PACSIN2: variants seen among roughly 807,000 people sequenced by gnomAD.
PACSIN2 encodes protein kinase C and casein kinase substrate in neurons 2, also known as protein kinase C and casein kinase substrate in neurons protein 2.
A neutral mutation model predicts 63.8 loss-of-function variants in PACSIN2; 25 were observed. That is an observed-to-expected ratio of 0.39 (90% confidence interval 0.29 to 0.55). PACSIN2 has a LOEUF of 0.55. Ranked by LOEUF, PACSIN2 falls within the 20% of genes least tolerant of loss-of-function variation. The pLI is 0.62. For synonymous variants in PACSIN2, 255 were observed against 256.2 expected, an observed-to-expected ratio of 1.00 and a Z score of 0.05; for missense variants, 518 against 646.9, an observed-to-expected ratio of 0.80 and a Z score of 2.16.
rs147207206 is a variant in PACSIN2 at position 42,897,648 on chromosome 22, T to C, written c.61-4035A>G. On this transcript the variant is annotated intron_variant, in intron 2 of 10. Coordinates refer to ENST00000263246, the MANE Select transcript of PACSIN2 (RefSeq NM_001184970.3). Reference sequence around the variant, plus strand: ...TACATGTGCCTGGACATCCCTTCACTCCCCTGAGGGACTGCCTGGCAGACG... The same window carrying C: ...TACATGTGCCTGGACATCCCTTCACCCCCCTGAGGGACTGCCTGGCAGACG... Among the ~76,000 whole-genome samples the C allele has an allele frequency of 1.6e-3, 249 of 152,206 alleles. 1 individual carries two copies. The highest frequency in any genetic ancestry group is 5.8e-3 in the African/African-American group (239 of 41,512).
chr22:42,903,269 G>C (rs574257420), intron 2 of PACSIN2, among the ~76,000 whole-genome samples: 5 of 152,208 alleles, frequency 3.3e-5, no homozygotes, highest in Non-Finnish European at 7.3e-5. Context: ...GGGTGTGCGT[G>C]TGCCTGGCAG....
chr22:42,889,373 T>TACACACACACATACACACACACACAC (rs68042145), intron 4 of PACSIN2, among the ~76,000 whole-genome samples: 1 of 122,424 alleles, frequency 8.2e-6, no homozygotes, highest in Non-Finnish European at 1.9e-5. Context: ...TAATGGTTTT[T>TACACACACACATACACACACACACAC]ACACACACAC....
intron 2 of PACSIN2, among the ~76,000 whole-genome samples, chr22:42,902,767 C>T (rs186291538): frequency 3.9e-5 from 6 of 152,316 alleles, no homozygotes; most frequent in Non-Finnish European, 8.8e-5. Context: ...ACATGCACCA[C>T]CACGCCTGGC....
At chr22:42,943,554 C>A (rs780318498) in intron 1 of PACSIN2, among the ~76,000 whole-genome samples, 3 of 152,206 alleles carry the variant, frequency 2.0e-5, no homozygotes, top group Non-Finnish European at 2.9e-5. Flanking sequence ...AAGTTCCCTT[C>A]TGTTCCTGGT....
At chr22:42,995,520 A>G (rs1318524091) in intron 1 of PACSIN2, among the ~76,000 whole-genome samples, 1 of 152,204 alleles carries the variant, frequency 6.6e-6, no homozygotes. Flanking sequence ...CTTAAAAGTC[A>G]CAGCAAGAGA....
intron 1 of PACSIN2, among the ~76,000 whole-genome samples, chr22:43,012,154 AATACATACATACATACATACATAC>A (rs71311476): frequency 1.3e-4 from 18 of 133,906 alleles, no homozygotes; most frequent in African/African-American, 4.1e-4. Context: ...AAAATAAATA[AATACATACATACATACATACATAC>A]ATACATACAT....
rs192675005 is a variant in PACSIN2 at position 42,877,407 on chromosome 22, G to A, written c.1029-397C>T. 3.9e-5 allele frequency among the ~76,000 whole-genome samples: 6 copies of A among 152,166 alleles called. No homozygotes were observed. In the East Asian group the frequency reaches 1.2e-3, roughly 30 times the overall value. On this transcript the variant is annotated intron_variant, in intron 8 of 10. Transcript: ENST00000263246. Reference sequence around the variant, plus strand: ...AAGCCCCTCAGGGTCTCCTCTGAGAGTGACAGTGTGGGAGGGGCCGGCTCC... The same window carrying A: ...AAGCCCCTCAGGGTCTCCTCTGAGAATGACAGTGTGGGAGGGGCCGGCTCC...
At chr22:43,007,101 G>C (rs560258485) in intron 1 of PACSIN2, among the ~76,000 whole-genome samples, 1 of 152,120 alleles carries the variant, frequency 6.6e-6, no homozygotes, top group Admixed American at 6.5e-5. Flanking sequence ...CTTCATCCCG[G>C]TATTTTAAAT....
intron 1 of PACSIN2, among the ~76,000 whole-genome samples, chr22:42,953,219 A>G (rs1933776143): frequency 6.6e-6 from 1 of 152,192 alleles, no homozygotes; most frequent in South Asian, 2.1e-4. Context: ...GATATCACTT[A>G]AGATTTTGTT....
intron 1 of PACSIN2, among the ~76,000 whole-genome samples, chr22:42,987,527 A>ATTTTTTTTTTTTT (rs1922716379): frequency 2.9e-5 from 1 of 34,788 alleles, no homozygotes; most frequent in African/African-American, 2.5e-4. Flanking sequence ...GGGCACATTC[A>ATTTTTTTTTTTTT]TTCTTTTTTT....
chr22:42,876,165 C>G lies in PACSIN2; in HGVS notation c.1320G>C (p.Gln440His). The stretch of plus-strand genomic sequence containing the variant: ...CCTTGAAGCTCAGCTCATCATGCTC[C>G]TGCCCCTCATAGTCATACAGGGCCC... ...RVRALYDYEG[Q>H]EHDELSFKAG... Residue 440 changes from glutamine (Q) to histidine (H), a missense_variant, in exon 10 of 11, where the codon CAG (glutamine) becomes CAC (histidine). By Grantham distance (24) the Gln-to-His change is conservative. Transcript: ENST00000263246. 6.2e-7 allele frequency: 1 copy of G among 1,614,164 alleles called. No homozygotes were observed. The highest frequency in any genetic ancestry group is 8.5e-7 in the Non-Finnish European group (1 of 1,179,954).
chr22:42,959,498 A>G (rs1354570092), intron 1 of PACSIN2: 1 of 152,246 alleles, frequency 6.6e-6, no homozygotes, highest in Non-Finnish European at 1.5e-5. Flanking sequence ...CTAAAACCAG[A>G]GTCAAAAATT....
rs776048389 is a variant in PACSIN2 at position 42,884,408 on chromosome 22, G to C, written c.763C>G (p.Leu255Val). Residue 255 changes from leucine to valine, a missense_variant, in exon 6 of 11, where the codon CTA (leucine) becomes GTA (valine). Physicochemically the swap from Leu to Val is conservative, Grantham distance 32. Transcript: ENST00000263246. ...REVLLEVQKH[L>V]DLSNVAGYKA... is the part of the protein sequence containing the mutation. ...TACCCAGCCACATTGGACAGGTCTAGGTGCTTCTGAACCTCCAGCAGAACC... is the reference window on the plus strand; with the variant it reads ...TACCCAGCCACATTGGACAGGTCTACGTGCTTCTGAACCTCCAGCAGAACC... The C allele has an allele frequency of 1.2e-6, 2 of 1,614,076 alleles. No individual in the cohort carries two copies. Among genetic ancestry groups the C allele is most frequent in the African/African-American group, 1.3e-5 (1 of 74,936 alleles).
At chr22:43,008,336 C>T (rs1402783119) in intron 1 of PACSIN2, among the ~76,000 whole-genome samples, 4 of 152,026 alleles carry the variant, frequency 2.6e-5, no homozygotes, top group South Asian at 4.1e-4. Context: ...CTGCAACCTC[C>T]GCCTCCTGGG....
At chr22:42,958,804 G>T (rs1314781854) in intron 1 of PACSIN2, among the ~76,000 whole-genome samples, 2 of 152,162 alleles carry the variant, frequency 1.3e-5, no homozygotes, top group Non-Finnish European at 2.9e-5. Flanking sequence ...ACGGAGAGAG[G>T]ATGCTGCCTT....
intron 7 of PACSIN2, among the ~76,000 whole-genome samples, chr22:42,881,093 A>G (rs1443741695): frequency 6.6e-6 from 1 of 152,164 alleles, no homozygotes; most frequent in African/African-American, 2.4e-5. Flanking sequence ...TCCTACTGGG[A>G]GCAAGTCCTG....
chr22:42,871,179 C>T lies in PACSIN2; in HGVS notation c.*178G>A, dbSNP rs1229514364. 3.2e-6 allele frequency: 2 copies of T among 617,582 alleles called. No individual in the cohort carries two copies. Among genetic ancestry groups the T allele is most frequent in the East Asian group, 5.5e-5 (2 of 36,354 alleles). 38.3% of individuals were successfully genotyped at this position (617,582 alleles called of 1,614,324 possible). The stretch of plus-strand genomic sequence containing the variant: ...CTGCGCTCAGATCCCTCCAGCTGCA[C>T]TCGGAAAGGTGCCGAGTCCCAGGCG... On this transcript the variant is annotated 3_prime_UTR_variant, in exon 11 of 11. Coordinates refer to ENST00000263246, the MANE Select transcript of PACSIN2 (RefSeq NM_001184970.3). This position sits in a 1 kb window ranked among gnomAD's most constrained non-coding sequence, Gnocchi z 5.4.
At chr22:42,890,797 T>C (rs1929848155) in intron 4 of PACSIN2, 150 bp downstream of exon 4, 1 of 625,896 alleles carries the variant, frequency 1.6e-6, no homozygotes, top group Admixed American at 2.7e-5. Flanking sequence ...TACCATGGGC[T>C]TCTAGCCTGA....
Position 42,907,355 on chromosome 22 carries a change from G to A in PACSIN2, c.60+4666C>T, listed in dbSNP as rs1473574942. ...CTGGCAGTGGGGTGGAGACTGAGGA[G>A]TTGATGCCTTAATCCTTGCTCATGG... On this transcript the variant is annotated intron_variant, in intron 2 of 10. Coordinates refer to ENST00000263246, the MANE Select transcript of PACSIN2 (RefSeq NM_001184970.3). 2.6e-5 allele frequency among the ~76,000 whole-genome samples: 4 copies of A among 152,240 alleles called. No individual in the cohort carries two copies. The East Asian group carries it at 5.8e-4, about 22-fold the overall frequency.
Sources: allele counts gnomAD v4.1 joint callset (sites outside exome capture counted in the v4.1 genomes callset), GRCh38; gene constraint gnomAD v4.1.1; non-coding constraint Gnocchi (gnomAD v3.1); transcripts MANE v1.5; gene names NCBI Gene and HGNC (gene_info 2026-07-23, HGNC 2026-07-21).